Variants in CLMP observed in about 807,000 individuals in gnomAD.
The protein encoded by CLMP is CXADR-like membrane protein.
Under a neutral mutation model 45.2 loss-of-function variants are expected in CLMP, and 27 were observed. The observed-to-expected ratio is 0.60, with a 90% CI of 0.44 to 0.82. The LOEUF is 0.82. Ranked by LOEUF, CLMP falls within the 40% of genes least tolerant of loss-of-function variation. The pLI is 0.00. For missense variants in CLMP, 403 were observed against 448.4 expected, an observed-to-expected ratio of 0.90 and a Z score of 0.91; for synonymous variants, 167 against 171.4, an observed-to-expected ratio of 0.97 and a Z score of 0.20.
intron 1 of CLMP, among the ~76,000 whole-genome samples, chr11:123,117,327 T>G (rs1377247463): frequency 6.6e-6 from 1 of 152,078 alleles, no homozygotes; most frequent in Non-Finnish European, 1.5e-5. Context: ...TAGAAAGGCC[T>G]ATTTGCTAAG....
intron 1 of CLMP, among the ~76,000 whole-genome samples, chr11:123,142,580 T>C (rs955348260): frequency 1.3e-5 from 2 of 151,552 alleles, no homozygotes; most frequent in African/African-American, 4.8e-5. Flanking sequence ...CAAAATCTCC[T>C]AGGAACAGTT....
rs1453117026 is a variant in CLMP, at chr11:123,073,880, A to G, written c.822-106T>C. On this transcript the variant is annotated intron_variant, in intron 6 of 6. Coordinates refer to ENST00000448775, the MANE Select transcript of CLMP (RefSeq NM_024769.5). ...GAAGCTGTGAACCTCAGATAATACC[A>G]TCGGAAGGCAACCATTTAGGGTCAT... 6 of 1,167,164 alleles carry G rather than the reference A, an allele frequency of 5.1e-6. No homozygotes were observed. The East Asian group carries it at 1.5e-4, about 28-fold the overall frequency. The allele number at this position is 1,167,164 out of a possible 1,614,324, so 72.3% of individuals were successfully genotyped here. A position where few individuals can be genotyped will look rare whatever the true frequency, so the allele number is the denominator to read the frequency against.
chr11:123,122,996 T>C (rs913527947), intron 1 of CLMP, among the ~76,000 whole-genome samples: 1 of 152,126 alleles, frequency 6.6e-6, no homozygotes, highest in Non-Finnish European at 1.5e-5. Flanking sequence ...AAATAACTCG[T>C]TCTTGCACCC....
intron 1 of CLMP, among the ~76,000 whole-genome samples, chr11:123,100,726 G>T (rs1866046707): frequency 6.6e-6 from 1 of 152,036 alleles, no homozygotes; most frequent in Non-Finnish European, 1.5e-5. Flanking sequence ...TGAAGCTCTT[G>T]GAAACACTTC....
intron 1 of CLMP, among the ~76,000 whole-genome samples, chr11:123,118,924 TTTTCTTTTCTTTCTTTCTTTCTTTCTTTC>T (rs1218945856): frequency 5.2e-5 from 7 of 135,308 alleles, no homozygotes; most frequent in Admixed American, 7.7e-5. Context: ...TTGCATTTTC[TTTTCTTTTCTTTCTTTCTTTCTTTCTTTC>T]TTTCTTTCTT....
chr11:123,174,019 G>A (rs1454737981), intron 1 of CLMP, among the ~76,000 whole-genome samples: 1 of 152,112 alleles, frequency 6.6e-6, no homozygotes, highest in African/African-American at 2.4e-5. Flanking sequence ...GGAAGTTGAG[G>A]CAGCAGTGAG....
At chr11:123,114,967 AG>A (rs1283184060) in intron 1 of CLMP, among the ~76,000 whole-genome samples, 1 of 152,198 alleles carries the variant, frequency 6.6e-6, no homozygotes, top group Non-Finnish European at 1.5e-5. Flanking sequence ...TACCCAGTAT[AG>A]GTAGCTAACA....
chr11:123,088,699 C>T (rs1865892889), intron 2 of CLMP, among the ~76,000 whole-genome samples: 1 of 152,188 alleles, frequency 6.6e-6, no homozygotes, highest in Admixed American at 6.5e-5. Flanking sequence ...AATCTCCACT[C>T]ATTGCAACCT....
At chr11:123,150,218 AC>A (rs1861294524) in intron 1 of CLMP, among the ~76,000 whole-genome samples, 2 of 150,680 alleles carry the variant, frequency 1.3e-5, no homozygotes, top group African/African-American at 4.9e-5. Flanking sequence ...ACACACACAC[AC>A]ACACACACAC....
chr11:123,138,552 G>A (rs1447910504), intron 1 of CLMP, among the ~76,000 whole-genome samples: 3 of 151,876 alleles, frequency 2.0e-5, no homozygotes, highest in African/African-American at 7.3e-5. Flanking sequence ...CAGCAATTTT[G>A]ATGTAGAGTC....
In CLMP at chr11:123,140,186, G is replaced by A. The variant is rs1861134650; in HGVS notation, c.29-42234C>T. 2.0e-5 allele frequency among the ~76,000 whole-genome samples: 3 copies of A among 152,314 alleles called. 1 individual carries two copies. The Middle Eastern group carries it at 0.01, about 518-fold the overall frequency. ...CTGGCTTAATGTGGGATGCGGTGTT[G>A]ATGGGGTTGGCTAAAGCGTAGTTAT... On this transcript the variant is annotated intron_variant, in intron 1 of 6. Transcript: ENST00000448775.
rs1861302396 is a variant in CLMP at position 123,150,463 on chromosome 11, GAAA to G, written c.28+44447_28+44449del. ...AGAAAGAAAGAAAGAAAGAAAGAAAGAAAGAAAGAAAGAAAGAAAGGAAGGAAG... is the reference window on the plus strand; with the variant it reads ...AGAAAGAAAGAAAGAAAGAAAGAAAGGAAAGAAAGAAAGAAAGGAAGGAAG... On this transcript the variant is annotated intron_variant, in intron 1 of 6. Transcript: ENST00000448775. 7.1e-3 allele frequency among the ~76,000 whole-genome samples: 712 copies of G among 100,546 alleles called. 1 individual carries two copies. The highest frequency in any genetic ancestry group is 0.011 in the Non-Finnish European group (542 of 47,638). 66.0% of individuals were successfully genotyped at this position (100,546 alleles called of 152,430 possible).
chr11:123,166,697 A>G (rs924322873), intron 1 of CLMP, among the ~76,000 whole-genome samples: 1 of 152,222 alleles, frequency 6.6e-6, no homozygotes, highest in Admixed American at 6.5e-5. Context: ...ATAGGAGGAA[A>G]TAGTTCAGGT....
At chr11:123,174,660 C>CT (rs1861675759) in intron 1 of CLMP, among the ~76,000 whole-genome samples, 1 of 152,212 alleles carries the variant, frequency 6.6e-6, no homozygotes, top group South Asian at 2.1e-4. Context: ...TATCCATCTT[C>CT]TAAAGGCCCT....
At chr11:123,129,479 G>A (rs2135507207) in intron 1 of CLMP, among the ~76,000 whole-genome samples, 1 of 135,388 alleles carries the variant, frequency 7.4e-6, no homozygotes, top group Admixed American at 8.0e-5. Context: ...ATATATTATA[G>A]ATTATATATA....
intron 1 of CLMP, chr11:123,135,868 C>T (rs1861064106): frequency 2.2e-6 from 1 of 462,042 alleles, no homozygotes; most frequent in South Asian, 1.8e-5. Flanking sequence ...CCCCTTATTG[C>T]TGCCACTTTT....
At chr11:123,143,593 T>A (rs1018456470) in intron 1 of CLMP, among the ~76,000 whole-genome samples, 17 of 152,300 alleles carry the variant, frequency 1.1e-4, no homozygotes, top group African/African-American at 4.1e-4. Flanking sequence ...CTCTCTGTCC[T>A]ACAACCACAA....
intron 1 of CLMP, among the ~76,000 whole-genome samples, chr11:123,163,862 G>T (rs984865657): frequency 2.6e-5 from 4 of 152,198 alleles, no homozygotes; most frequent in Non-Finnish European, 5.9e-5. Context: ...GAGCTAGAGT[G>T]TCTCTGCTTA....
At chr11:123,153,734 G>A (rs1861372980) in intron 1 of CLMP, among the ~76,000 whole-genome samples, 1 of 152,026 alleles carries the variant, frequency 6.6e-6, no homozygotes, top group African/African-American at 2.4e-5. Context: ...CCAGGCTGGA[G>A]TGCAGTGGCA....
Sources: gnomAD v4.1 joint callset for allele counts (sites outside exome capture counted in the v4.1 genomes callset) on GRCh38, gnomAD v4.1.1 for gene constraint, MANE v1.5 for transcripts, NCBI Gene and HGNC (gene_info 2026-07-23, HGNC 2026-07-21) for gene names.